The following COMMD1 variants were observed in gnomAD, a reference collection of about 807,000 sequenced individuals.
The protein encoded by COMMD1 is copper metabolism domain containing 1.
In COMMD1, 10 loss-of-function variants were observed where a neutral mutation model predicts 17.2. The observed-to-expected ratio is 0.58, with a 90% confidence interval of 0.36 to 0.99. The LOEUF (loss-of-function observed/expected upper bound fraction) is 0.99. COMMD1 is among the 50% of genes least tolerant of loss of function. The probability of loss-of-function intolerance (pLI) is 0.01; values close to 1 mark genes in which losing one functional copy is unlikely to be tolerated. For synonymous variants in COMMD1, 97 were observed against 91.6 expected (o/e 1.06, Z -0.34); for missense variants, 270 against 231.8 (o/e 1.17, Z -1.07).
At chr2:62,093,883 G>T (rs576015881) in intron 2 of COMMD1, among the ~76,000 whole-genome samples, 1 of 152,258 alleles carries the variant, frequency 6.6e-6, no homozygotes, top group African/African-American at 2.4e-5. Flanking sequence ...AAATATATTT[G>T]CCACTTTTCC....
chr2:61,906,729 T>G (rs1669782881), intron 1 of COMMD1, among the ~76,000 whole-genome samples: 1 of 152,136 alleles, frequency 6.6e-6, no homozygotes, highest in Admixed American at 6.5e-5. Flanking sequence ...TTTTACATGT[T>G]GTTTCATTTG....
At chr2:61,949,299 G>A (rs1236887133) in intron 1 of COMMD1, among the ~76,000 whole-genome samples, 1 of 152,120 alleles carries the variant, frequency 6.6e-6, no homozygotes, top group Non-Finnish European at 1.5e-5. Context: ...GTAGAGAACC[G>A]AGAAGCCTTG....
chr2:61,926,962 G>A (rs753977771), intron 1 of COMMD1, among the ~76,000 whole-genome samples: 6 of 152,068 alleles, frequency 3.9e-5, no homozygotes, highest in Non-Finnish European at 8.8e-5. Context: ...AGTCACTTTT[G>A]GCTTAACAAT....
intron 1 of COMMD1, among the ~76,000 whole-genome samples, chr2:61,930,197 T>C (rs540104974): frequency 3.9e-5 from 6 of 152,276 alleles, no homozygotes; most frequent in South Asian, 2.1e-4. Flanking sequence ...GGATTCTGCA[T>C]TGATACTTTA....
intron 2 of COMMD1, among the ~76,000 whole-genome samples, chr2:62,047,081 CTGGT>C (rs1670403930): frequency 6.6e-6 from 1 of 152,190 alleles, no homozygotes; most frequent in South Asian, 2.1e-4. Context: ...CCCTTACAAT[CTGGT>C]TGGGAAGACA....
intron 2 of COMMD1, among the ~76,000 whole-genome samples, chr2:62,049,200 G>C (rs935597782): frequency 7.9e-6 from 1 of 125,824 alleles, no homozygotes; most frequent in Non-Finnish European, 1.7e-5. Context: ...ATAATTACCA[G>C]GAAAAAAAAA....
chr2:62,100,853 C>G (rs958546129), intron 2 of COMMD1, among the ~76,000 whole-genome samples: 2 of 152,170 alleles, frequency 1.3e-5, no homozygotes, highest in Admixed American at 6.5e-5. Flanking sequence ...AATAGAGATT[C>G]TTTACAGATG....
chr2:61,959,162 T>A (rs1172236220), intron 1 of COMMD1, among the ~76,000 whole-genome samples: 1 of 152,240 alleles, frequency 6.6e-6, no homozygotes, highest in East Asian at 1.9e-4. Context: ...CACCATGTGC[T>A]TATTATTTGT....
chr2:62,104,027 G>A (rs963237433), intron 2 of COMMD1, among the ~76,000 whole-genome samples: 1 of 152,040 alleles, frequency 6.6e-6, no homozygotes, highest in African/African-American at 2.4e-5. Flanking sequence ...TTTTTGTATA[G>A]TCAGGGTCTC....
chr2:61,909,804 G>A (rs1008725194), intron 1 of COMMD1, among the ~76,000 whole-genome samples: 2 of 152,186 alleles, frequency 1.3e-5, no homozygotes, highest in Non-Finnish European at 2.9e-5. Flanking sequence ...CCCAGCAGGG[G>A]ATACAGCGGA....
chr2:62,053,674 T>G (rs1213892929), intron 2 of COMMD1, among the ~76,000 whole-genome samples: 1 of 152,190 alleles, frequency 6.6e-6, no homozygotes, highest in African/African-American at 2.4e-5. Context: ...TTTGGCCAAA[T>G]TCTAAGGATC....
chr2:62,086,491 A>C (rs937485387), intron 2 of COMMD1, among the ~76,000 whole-genome samples: 1 of 149,578 alleles, frequency 6.7e-6, no homozygotes, highest in Non-Finnish European at 1.5e-5. Context: ...AGCCTGTATG[A>C]CTGAGCAAGA....
intron 2 of COMMD1, among the ~76,000 whole-genome samples, chr2:62,128,091 G>A (rs1672931708): frequency 1.3e-5 from 2 of 151,676 alleles, no homozygotes; most frequent in South Asian, 4.2e-4. Context: ...ACTTTGGGAG[G>A]CTGAGGCAGG....
At chr2:62,015,699 T>TA (rs1170452247) in intron 2 of COMMD1, among the ~76,000 whole-genome samples, 2 of 151,240 alleles carry the variant, frequency 1.3e-5, no homozygotes, top group African/African-American at 4.9e-5. Flanking sequence ...TTCTGGGTTT[T>TA]TTTTTTTTTT....
At chr2:62,117,571 T>A (rs1672641171) in intron 2 of COMMD1, among the ~76,000 whole-genome samples, 1 of 152,230 alleles carries the variant, frequency 6.6e-6, no homozygotes. Flanking sequence ...TCCTTATCTT[T>A]CCTCACTTTC....
chr2:62,023,749 T>C (rs1417143497), intron 2 of COMMD1, among the ~76,000 whole-genome samples: 1 of 152,186 alleles, frequency 6.6e-6, no homozygotes, highest in Non-Finnish European at 1.5e-5. Context: ...CCTCCCAAAG[T>C]GCTGGGATTA....
chr2:62,117,694 GTTATCA>G (rs1672643684), intron 2 of COMMD1, among the ~76,000 whole-genome samples: 5 of 152,268 alleles, frequency 3.3e-5, no homozygotes, highest in African/African-American at 1.2e-4. Context: ...GCCATTGTTG[GTTATCA>G]TTATCATTAT....
intron 1 of COMMD1, among the ~76,000 whole-genome samples, chr2:61,982,575 AG>A (rs552419472): frequency 2.9e-3 from 438 of 152,276 alleles, no homozygotes; most frequent in African/African-American, 9.8e-3. Flanking sequence ...ATTAGAGGAA[AG>A]TCTTTTAGTT....
intron 1 of COMMD1, among the ~76,000 whole-genome samples, chr2:61,914,823 T>C (rs2105184053): frequency 6.6e-6 from 1 of 151,494 alleles, no homozygotes; most frequent in South Asian, 2.1e-4. Context: ...CCCGAGTGGC[T>C]GGGATTACAG....
Sources: gnomAD v4.1 joint callset for allele counts (sites outside exome capture counted in the v4.1 genomes callset) on GRCh38, gnomAD v4.1.1 for gene constraint, MANE v1.5 for transcripts, NCBI Gene and HGNC (gene_info 2026-07-23, HGNC 2026-07-21) for gene names.